The following CNTN3 variants were observed in gnomAD, a reference collection of about 807,000 sequenced individuals.
CNTN3 encodes contactin-3.
In CNTN3, 60 loss-of-function variants were observed where a neutral mutation model predicts 119.1. The ratio of observed to expected loss-of-function variants is 0.50; its 90% CI spans 0.41 to 0.62. The LOEUF (loss-of-function observed/expected upper bound fraction) is 0.62, where lower values mean the gene tolerates loss of function less well. Among genes scored for constraint, CNTN3 ranks in the 20% least tolerant of loss-of-function variants. The pLI, the probability that CNTN3 is intolerant of heterozygous loss-of-function variation, is 0.00. For missense variants in CNTN3, 1,101 were observed against 1,242.4 expected, an observed-to-expected ratio of 0.89 and a Z score of 1.71; for synonymous variants, 450 against 438.7, an observed-to-expected ratio of 1.03 and a Z score of -0.32.
intron 1 of CNTN3, among the ~76,000 whole-genome samples, chr3:74,586,539 G>C (rs1477837865): frequency 6.6e-6 from 1 of 151,888 alleles, no homozygotes; most frequent in Non-Finnish European, 1.5e-5. Context: ...GGACTGGCTG[G>C]GTTCAAATCC....
At chr3:74,306,713 C>T (rs141616353) in intron 13 of CNTN3, among the ~76,000 whole-genome samples, 76 of 152,154 alleles carry the variant, frequency 5.0e-4, no homozygotes, top group African/African-American at 1.7e-3. Flanking sequence ...CAGTATCTTA[C>T]GTAGGAGTGT....
At chr3:74,414,568 T>G (rs916132852) in intron 5 of CNTN3, among the ~76,000 whole-genome samples, 1 of 152,142 alleles carries the variant, frequency 6.6e-6, no homozygotes, top group Non-Finnish European at 1.5e-5. Flanking sequence ...CCCCACCCTA[T>G]GGGGTCAGAA....
intron 4 of CNTN3, among the ~76,000 whole-genome samples, chr3:74,453,471 T>C (rs970456315): frequency 6.6e-6 from 1 of 152,238 alleles, no homozygotes; most frequent in Non-Finnish European, 1.5e-5. Context: ...TACCAGCTCC[T>C]GGATTCATTC....
intron 1 of CNTN3, among the ~76,000 whole-genome samples, chr3:74,594,106 A>G (rs1426535848): frequency 6.6e-6 from 1 of 151,780 alleles, no homozygotes; most frequent in Non-Finnish European, 1.5e-5. Flanking sequence ...AGGGCAGGCA[A>G]ACTCTGAATA....
At chr3:74,321,929 C>T (rs918900519) in intron 13 of CNTN3, among the ~76,000 whole-genome samples, 2 of 151,948 alleles carry the variant, frequency 1.3e-5, no homozygotes, top group Non-Finnish European at 2.9e-5. Context: ...GCACCAGGTC[C>T]AGATGGGTTC....
intron 7 of CNTN3, 23 bp from the exon 8 acceptor site, chr3:74,369,396 G>T: frequency 6.5e-7 from 1 of 1,536,938 alleles, no homozygotes; most frequent in Non-Finnish European, 8.8e-7. Context: ...TCGTCAAGTT[G>T]TCTGCTATTG....
chr3:74,427,835 G>C (rs1446364946), intron 4 of CNTN3, among the ~76,000 whole-genome samples: 4 of 151,998 alleles, frequency 2.6e-5, no homozygotes, highest in Non-Finnish European at 5.9e-5. Flanking sequence ...AACAAAACAT[G>C]CAGAAGATCT....
chr3:74,418,029 C>G (rs1408243690), intron 5 of CNTN3, among the ~76,000 whole-genome samples: 5 of 152,066 alleles, frequency 3.3e-5, no homozygotes, highest in African/African-American at 1.2e-4. Context: ...CATCTGCTTC[C>G]TAGTCTTGAT....
At position 74,463,303 on chromosome 3, in the gene CNTN3, T is replaced by C. The variant is rs530567860; in HGVS notation, c.358+23153A>G. 3.9e-5 allele frequency among the ~76,000 whole-genome samples: 6 copies of C among 152,266 alleles called. No homozygotes were observed. In the East Asian group the frequency reaches 1.2e-3, roughly 29 times the overall value. Reference sequence around the variant, plus strand: ...TCTCTCCCATAGAGTTTAGTATCTATGAATATCTGAAAATGGCTGATAGAT... The same window carrying C: ...TCTCTCCCATAGAGTTTAGTATCTACGAATATCTGAAAATGGCTGATAGAT... On this transcript the variant is annotated intron_variant, in intron 4 of 22. Coordinates refer to ENST00000263665, the MANE Select transcript of CNTN3 (RefSeq NM_020872.3).
chr3:74,435,033 C>T (rs1388143544), intron 4 of CNTN3, among the ~76,000 whole-genome samples: 1 of 152,168 alleles, frequency 6.6e-6, no homozygotes, highest in East Asian at 1.9e-4. Context: ...AAGACTCCCA[C>T]AACCAGTTTG....
intron 11 of CNTN3, among the ~76,000 whole-genome samples, chr3:74,358,802 T>C (rs2106765599): frequency 8.1e-6 from 1 of 123,176 alleles, no homozygotes; most frequent in South Asian, 2.6e-4. Flanking sequence ...GATATTCCCC[T>C]TTCTGTGTCC....
At chr3:74,410,209 T>C (rs1380014085) in intron 5 of CNTN3, among the ~76,000 whole-genome samples, 2 of 152,158 alleles carry the variant, frequency 1.3e-5, no homozygotes, top group African/African-American at 2.4e-5. Flanking sequence ...AATCCTCCCA[T>C]TGTATGGCTC....
chr3:74,286,704 C>A (rs1702121570), intron 19 of CNTN3, among the ~76,000 whole-genome samples: 1 of 152,150 alleles, frequency 6.6e-6, no homozygotes, highest in African/African-American at 2.4e-5. Flanking sequence ...TTTCCTATTG[C>A]AAATTCACTC....
intron 2 of CNTN3, among the ~76,000 whole-genome samples, chr3:74,504,205 T>C (rs571226116): frequency 1.3e-5 from 2 of 152,166 alleles, no homozygotes; most frequent in East Asian, 1.9e-4. Flanking sequence ...CATATCTACA[T>C]GGAAAACAAA....
At chr3:74,309,287 T>G (rs1433366386) in intron 13 of CNTN3, among the ~76,000 whole-genome samples, 1 of 152,120 alleles carries the variant, frequency 6.6e-6, no homozygotes, top group Admixed American at 6.6e-5. Flanking sequence ...GTATTTTTAG[T>G]AGAGATGGGG....
At chr3:74,375,351 G>A (rs1010461698) in intron 5 of CNTN3, among the ~76,000 whole-genome samples, 1 of 152,160 alleles carries the variant, frequency 6.6e-6, no homozygotes, top group Non-Finnish European at 1.5e-5. Flanking sequence ...GTGAGTGGCT[G>A]GGAGATTCAA....
At chr3:74,527,815 C>T (rs959380645) in intron 1 of CNTN3, among the ~76,000 whole-genome samples, 3 of 151,902 alleles carry the variant, frequency 2.0e-5, no homozygotes, top group Non-Finnish European at 2.9e-5. Flanking sequence ...GCAATAATGT[C>T]GCTTGTAGCA....
intron 11 of CNTN3, among the ~76,000 whole-genome samples, chr3:74,349,385 G>T (rs1414328850): frequency 6.6e-6 from 1 of 152,156 alleles, no homozygotes; most frequent in Non-Finnish European, 1.5e-5. Flanking sequence ...GCTCCAGGAA[G>T]GCTTCCCATA....
chr3:74,410,829 T>A (rs913191638), intron 5 of CNTN3, among the ~76,000 whole-genome samples: 9 of 152,210 alleles, frequency 5.9e-5, no homozygotes, highest in African/African-American at 2.2e-4. Context: ...CATAATTAAC[T>A]GAATTTACAA....
Sources: allele counts gnomAD v4.1 joint callset (sites outside exome capture counted in the v4.1 genomes callset), GRCh38; gene constraint gnomAD v4.1.1; transcripts MANE v1.5; gene names NCBI Gene and HGNC (gene_info 2026-07-23, HGNC 2026-07-21).